The following OGN variants were observed in gnomAD, a reference collection of about 807,000 sequenced individuals.
The protein encoded by OGN is osteoglycin, also known as mimecan.
In OGN, 19 loss-of-function variants were observed where a neutral mutation model predicts 30.8. The ratio of observed to expected loss-of-function variants is 0.62; its 90% confidence interval spans 0.43 to 0.90. OGN has a LOEUF of 0.90. Among genes scored for constraint, OGN ranks in the 40% least tolerant of loss-of-function variants. The probability of loss-of-function intolerance (pLI) is 0.00; values close to 1 mark genes in which losing one functional copy is unlikely to be tolerated. For synonymous variants in OGN, 126 were observed against 128.3 expected (o/e 0.98, Z 0.12); for missense variants, 283 against 349.7 (o/e 0.81, Z 1.52).
intron 4 of OGN, among the ~76,000 whole-genome samples, chr9:92,392,238 A>G (rs1437325533): frequency 6.6e-6 from 1 of 152,160 alleles, no homozygotes; most frequent in Non-Finnish European, 1.5e-5. Context: ...GAATCATCCA[A>G]GGAGTTTGTT....
chr9:92,394,151 T>A (rs1184907351), intron 3 of OGN, among the ~76,000 whole-genome samples: 1 of 152,164 alleles, frequency 6.6e-6, no homozygotes, highest in Non-Finnish European at 1.5e-5. Context: ...TCTAATTCCA[T>A]CATTCCTTCT....
chr9:92,385,621 TAAAA>T lies in OGN; in HGVS notation c.892_895del (p.Phe298AsnfsTer8). The T allele has an allele frequency of 6.2e-7, 1 of 1,613,566 alleles. No individual in the cohort carries two copies. The highest frequency in any genetic ancestry group is 1.3e-5 in the African/African-American group (1 of 75,048). ...ATTTATATGTTGTACCAATAGAGGT[TAAAA>T]GTATGACCCTATCGGTAATCTTTTT... On this transcript the variant is annotated frameshift_variant and stop_lost, in exon 7 of 7. Coordinates refer to ENST00000375561, the MANE Select transcript of OGN (RefSeq NM_014057.5). LOFTEE classifies it high-confidence loss of function.
chr9:92,403,586 T>C, intron 1 of OGN, 104 bp from the exon 2 acceptor site: 1 of 1,233,580 alleles, frequency 8.1e-7, no homozygotes. Flanking sequence ...TAACCCTTAG[T>C]GATCTTTAAT....
In OGN at chr9:92,383,877, A is replaced by C. The variant is rs188939187; in HGVS notation, c.*1743T>G. The C allele has an allele frequency of 2.0e-5, 3 of 152,310 alleles. No homozygotes were observed. The highest frequency in any genetic ancestry group is 1.3e-4 in the Admixed American group (2 of 15,302). 9.4% of individuals were successfully genotyped at this position (152,310 alleles called of 1,614,324 possible). On this transcript the variant is annotated 3_prime_UTR_variant, in exon 7 of 7. Transcript: ENST00000375561. ...GTTTTATCATAAAAATAATATAGGAATACATTATTTTTCTGAAAACTAGAA... is the reference window on the plus strand; with the variant it reads ...GTTTTATCATAAAAATAATATAGGACTACATTATTTTTCTGAAAACTAGAA...
chr9:92,403,481 C>T lies in OGN; in HGVS notation c.-74G>A, dbSNP rs1843203367. ...GACTGTGGGACAAAACTCTCTTTTTCCCTGGAAATAAAAATTCAGACCATC... is the reference window on the plus strand; with the variant it reads ...GACTGTGGGACAAAACTCTCTTTTTTCCTGGAAATAAAAATTCAGACCATC... On this transcript the variant is annotated splice_region_variant and 5_prime_UTR_variant, in exon 2 of 7. Transcript: ENST00000375561. 4.0e-6 allele frequency: 6 copies of T among 1,507,772 alleles called. No individual in the cohort carries two copies. Among genetic ancestry groups the T allele is most frequent in the Non-Finnish European group, 5.3e-6 (6 of 1,131,496 alleles). The allele number at this position is 1,507,772 out of a possible 1,614,324, so 93.4% of individuals were successfully genotyped here. A position where few individuals can be genotyped will look rare whatever the true frequency, so the allele number is the denominator to read the frequency against.
chr9:92,392,963 A>T (rs1457702060), intron 4 of OGN, 123 bp downstream of exon 4: 1 of 670,668 alleles, frequency 1.5e-6, no homozygotes, highest in Non-Finnish European at 2.5e-6. Context: ...AACATGTTAG[A>T]TATTTATGTA....
chr9:92,398,330 C>T (rs764015541), intron 3 of OGN, among the ~76,000 whole-genome samples: 32 of 152,070 alleles, frequency 2.1e-4, no homozygotes, highest in Non-Finnish European at 4.0e-4. Context: ...CATTTATATA[C>T]GTATTTGGTT....
chr9:92,390,081 C>G (rs992598936), intron 4 of OGN, 25 bp from the exon 5 acceptor site: 3 of 1,324,196 alleles, frequency 2.3e-6, no homozygotes, highest in Non-Finnish European at 3.2e-6. Flanking sequence ...ATATAAAAAA[C>G]AACTACGTAA....
At chr9:92,392,929 C>A (rs893249838) in intron 4 of OGN, among the ~76,000 whole-genome samples, 157 bp downstream of exon 4, 3 of 152,036 alleles carry the variant, frequency 2.0e-5, no homozygotes, top group Non-Finnish European at 2.9e-5. Flanking sequence ...GATGATTCAC[C>A]AACAAATGAA....
intron 2 of OGN, among the ~76,000 whole-genome samples, chr9:92,402,151 A>T (rs1217330480): frequency 6.6e-6 from 1 of 152,214 alleles, no homozygotes; most frequent in Non-Finnish European, 1.5e-5. Flanking sequence ...GATTCAAATC[A>T]TCCAAGTGAG....
chr9:92,392,572 G>C (rs762666943), intron 4 of OGN, among the ~76,000 whole-genome samples: 1 of 151,360 alleles, frequency 6.6e-6, no homozygotes, highest in Non-Finnish European at 1.5e-5. Flanking sequence ...CCAAGATCAC[G>C]CCACTCTACT....
intron 3 of OGN, among the ~76,000 whole-genome samples, chr9:92,396,745 T>A (rs532426380): frequency 8.4e-4 from 128 of 152,132 alleles, no homozygotes; most frequent in African/African-American, 2.9e-3. Flanking sequence ...TTGGTTAAAT[T>A]TTTTGTAGAG....
At chr9:92,389,236 G>C (rs1842567654) in intron 5 of OGN, among the ~76,000 whole-genome samples, 1 of 152,114 alleles carries the variant, frequency 6.6e-6, no homozygotes, top group African/African-American at 2.4e-5. Context: ...TACTCCTGTA[G>C]GTCATGCATT....
In OGN at chr9:92,390,587, T is replaced by C. The variant is rs80197109; in HGVS notation, c.428-531A>G. 7.4e-3 allele frequency among the ~76,000 whole-genome samples: 1,057 copies of C among 141,902 alleles called. 15 individuals carry two copies. The highest frequency in any genetic ancestry group is 0.029 in the East Asian group (127 of 4,388). The allele number at this position is 141,902 out of a possible 152,430, so 93.1% of individuals were successfully genotyped here. ...CAGTGTGTGTGTGTGTGTGTGTGTGTGCGCGCGCGCGTACTTGCGTGTGCA... is the reference window on the plus strand; with the variant it reads ...CAGTGTGTGTGTGTGTGTGTGTGTGCGCGCGCGCGCGTACTTGCGTGTGCA... On this transcript the variant is annotated intron_variant, in intron 4 of 6. Transcript: ENST00000375561.
intron 3 of OGN, among the ~76,000 whole-genome samples, chr9:92,394,518 C>T (rs1001797415): frequency 2.0e-5 from 3 of 150,356 alleles, no homozygotes; most frequent in Admixed American, 6.6e-5. Flanking sequence ...CCCAAAGTGC[C>T]GGGATTACAG....
chr9:92,404,150 C>T (rs933384211), intron 1 of OGN, among the ~76,000 whole-genome samples: 1 of 152,070 alleles, frequency 6.6e-6, no homozygotes, highest in Middle Eastern at 3.2e-3. Context: ...TTCCTTTAGG[C>T]TCATCAATGG....
Position 92,390,005 on chromosome 9 carries a change from T to C in OGN, c.479A>G (p.Asp160Gly), listed in dbSNP as rs370820027. The C allele has an allele frequency of 2.2e-5, 36 of 1,607,392 alleles. No homozygotes were observed. Among genetic ancestry groups the C allele is most frequent in the Admixed American group, 3.3e-5 (2 of 59,894 alleles). ...FTGNLIEDIE[D>G]GTFSKLSLLE... ...CAGAGAAAGTTTTGAAAAAGTACCATCTTCTATATCTTCTATCAAATTTCC... is the reference window on the plus strand; with the variant it reads ...CAGAGAAAGTTTTGAAAAAGTACCACCTTCTATATCTTCTATCAAATTTCC... The change falls in exon 5 of 7, where the codon GAT becomes GGT. Residue 160 changes from aspartate to glycine, a missense_variant. Asp to Gly is a moderately conservative substitution (Grantham distance 94). Transcript: ENST00000375561.
chr9:92,404,464 T>C, intron 1 of OGN, 32 bp downstream of exon 1: 1 of 1,234,408 alleles, frequency 8.1e-7, no homozygotes, highest in Non-Finnish European at 1.0e-6. Flanking sequence ...TAACAAACAA[T>C]ATTTAAAATA....
intron 3 of OGN, among the ~76,000 whole-genome samples, chr9:92,395,053 G>A (rs1842839239): frequency 6.6e-6 from 1 of 151,960 alleles, no homozygotes; most frequent in South Asian, 2.1e-4. Context: ...GTGGTTAGCT[G>A]ACTTACAATT....
Sources: gnomAD v4.1 joint callset for allele counts (sites outside exome capture counted in the v4.1 genomes callset) on GRCh38, gnomAD v4.1.1 for gene constraint, MANE v1.5 for transcripts, NCBI Gene and HGNC (gene_info 2026-07-23, HGNC 2026-07-21) for gene names.